The following LRRIQ1 variants were observed in gnomAD, a reference collection of about 807,000 sequenced individuals.
LRRIQ1 encodes leucine rich repeats and IQ motif containing 1, also known as leucine-rich repeat- and IQ domain-containing protein 1.
In LRRIQ1, 210 loss-of-function variants were observed where a neutral mutation model predicts 211.9. The observed-to-expected ratio is 0.99, with a 90% CI of 0.89 to 1.11. The LOEUF is 1.11. Among genes scored for constraint, LRRIQ1 ranks in the 50% most tolerant of loss-of-function variants. LRRIQ1 has a pLI of 0.00. For synonymous variants in LRRIQ1, 699 were observed against 650.1 expected (o/e 1.08, Z -1.14); for missense variants, 2,136 against 1,939.5 (o/e 1.10, Z -1.90).
chr12:85,157,678 T>A lies in LRRIQ1; in HGVS notation c.4721-2935T>A, dbSNP rs1199849352. The stretch of plus-strand genomic sequence containing the variant: ...AATAATCTCACAACACTGAGTGTAA[T>A]TGGTAGCAAGACTGAGATGAGGTGG... On this transcript the variant is annotated intron_variant, in intron 23 of 26. Transcript: ENST00000393217. Among the ~76,000 whole-genome samples the A allele has an allele frequency of 3.3e-5, 5 of 151,838 alleles. No homozygotes were observed. In the East Asian group the frequency reaches 9.7e-4, roughly 30 times the overall value.
chr12:85,265,906 G>A (rs904324332), downstream of LRRIQ1, among the ~76,000 whole-genome samples: 3 of 151,030 alleles, frequency 2.0e-5, no homozygotes, highest in Admixed American at 1.3e-4. Context: ...GAAAATAATT[G>A]GTAAGATATT....
At chr12:85,045,882 AG>A (rs1879488436) in intron 4 of LRRIQ1, 137 bp from the exon 5 acceptor site, 1 of 447,116 alleles carries the variant, frequency 2.2e-6, no homozygotes, top group East Asian at 3.2e-5. Context: ...AATGTGCTGC[AG>A]ATTTGTATTT....
chr12:85,138,755 T>C (rs1189795070), intron 19 of LRRIQ1, among the ~76,000 whole-genome samples: 1 of 151,612 alleles, frequency 6.6e-6, no homozygotes, highest in Non-Finnish European at 1.5e-5. Context: ...AAATCTTTTA[T>C]GCTAGAAAAA....
chr12:85,066,798 T>C lies in LRRIQ1; in HGVS notation c.2595T>C (p.Val865=). The C allele has an allele frequency of 6.2e-7, 1 of 1,601,168 alleles. No homozygotes were observed. The highest frequency in any genetic ancestry group is 8.5e-7 in the Non-Finnish European group (1 of 1,173,624). Residue 865 remains valine (V), a synonymous_variant, in exon 10 of 27, where the codon GTT becomes GTC. Transcript: ENST00000393217. ...IECENLENLC[V]VLLNKNQLTS... ...GTGAAAATTTGGAAAATCTCTGTGT[T>C]GTTCTTCTTAATAAAAATCAACTGA... is the stretch of plus-strand genomic sequence containing the variant.
Position 85,065,388 on chromosome 12 carries a change from A to G in LRRIQ1, c.2518A>G (p.Lys840Glu), listed in dbSNP as rs771219077. 1.9e-6 allele frequency: 3 copies of G among 1,609,576 alleles called. No individual in the cohort carries two copies. Among genetic ancestry groups the G allele is most frequent in the African/African-American group, 1.3e-5 (1 of 74,716 alleles). Residue 840 changes from lysine to glutamate, a missense_variant, in exon 9 of 27, where the codon AAA becomes GAA. Physicochemically the swap from Lys to Glu is moderately conservative, Grantham distance 56. Transcript: ENST00000393217. ...LTSLHSLSNC[K>E]KLKYIDAQEN... ...TTCTTTGCACAGCCTGAGTAATTGT[A>G]AAAAACTTAAGTACATTGATGCACA...
At chr12:85,090,802 G>A (rs1177874108) in intron 11 of LRRIQ1, among the ~76,000 whole-genome samples, 1 of 152,086 alleles carries the variant, frequency 6.6e-6, no homozygotes, top group Non-Finnish European at 1.5e-5. Flanking sequence ...AAGACTTTAG[G>A]GGACTGTTGG....
At chr12:85,143,929 T>A (rs1214259377) in intron 19 of LRRIQ1, among the ~76,000 whole-genome samples, 1 of 151,554 alleles carries the variant, frequency 6.6e-6, no homozygotes, top group Non-Finnish European at 1.5e-5. Flanking sequence ...ATTTTTAAAT[T>A]TTAGTTTCAG....
chr12:85,197,945 ATATATAAT>A (rs1210440041), intron 24 of LRRIQ1, among the ~76,000 whole-genome samples: 1 of 107,380 alleles, frequency 9.3e-6, no homozygotes, highest in Non-Finnish European at 1.8e-5. Flanking sequence ...ATATATATTT[ATATATAAT>A]TATATATTAT....
chr12:85,196,246 A>C (rs889552447), intron 24 of LRRIQ1, among the ~76,000 whole-genome samples: 3 of 151,994 alleles, frequency 2.0e-5, no homozygotes, highest in African/African-American at 7.2e-5. Flanking sequence ...AAATGGCCAT[A>C]CTGCCCAAGG....
intron 13 of LRRIQ1, among the ~76,000 whole-genome samples, chr12:85,103,784 A>G (rs1211913200): frequency 1.3e-5 from 2 of 151,652 alleles, no homozygotes; most frequent in African/African-American, 4.8e-5. Flanking sequence ...GAAGTCTTCC[A>G]TCATAAATAC....
chr12:85,243,779 G>A (rs2137270362), intron 26 of LRRIQ1, among the ~76,000 whole-genome samples: 3 of 151,670 alleles, frequency 2.0e-5, no homozygotes, highest in South Asian at 2.1e-4. Flanking sequence ...GGAAGAAGGT[G>A]GGAGGGGGAT....
chr12:85,048,558 C>CA (rs35906760), intron 6 of LRRIQ1: 994 of 77,600 alleles, frequency 0.013, 8 homozygotes, highest in African/African-American at 0.02. Flanking sequence ...GACTCCGTCT[C>CA]AAAAAAAAAA....
At position 85,166,430 on chromosome 12, in the gene LRRIQ1, T is replaced by G. The variant is rs985206715; in HGVS notation, c.4822+5716T>G. ...GATAACTCATGGTTTTATAAACATA[T>G]ATTCAAATATTTTTGTATTAAATGT... On this transcript the variant is annotated intron_variant, in intron 24 of 26. Transcript: ENST00000393217. 3.3e-5 allele frequency among the ~76,000 whole-genome samples: 5 copies of G among 152,258 alleles called. No homozygotes were observed. In the East Asian group the frequency reaches 9.6e-4, roughly 29 times the overall value.
At chr12:85,110,505 T>C (rs1887097846) in intron 15 of LRRIQ1, among the ~76,000 whole-genome samples, 1 of 152,092 alleles carries the variant, frequency 6.6e-6, no homozygotes, top group Non-Finnish European at 1.5e-5. Context: ...AGCCAGGAAA[T>C]CTAACTCATG....
chr12:85,250,242 G>T (rs1895866004), intron 1 of LRRIQ1, among the ~76,000 whole-genome samples: 1 of 151,824 alleles, frequency 6.6e-6, no homozygotes, highest in Admixed American at 6.6e-5. Flanking sequence ...CAGGGTAGAA[G>T]ATTGCCTATT....
intron 19 of LRRIQ1, among the ~76,000 whole-genome samples, chr12:85,141,429 CTG>C (rs1889524359): frequency 6.6e-6 from 1 of 151,174 alleles, no homozygotes; most frequent in Admixed American, 6.6e-5. Flanking sequence ...TACTTCGGGG[CTG>C]TGTTTTTGGG....
intron 24 of LRRIQ1, among the ~76,000 whole-genome samples, chr12:85,227,259 T>C (rs1188521723): frequency 6.6e-6 from 1 of 152,216 alleles, no homozygotes; most frequent in Non-Finnish European, 1.5e-5. Flanking sequence ...GGTATCTCAT[T>C]GTGGTTTTGA....
In LRRIQ1 at chr12:85,089,330, A is replaced by G. The variant is rs531845984; in HGVS notation, c.2888-9025A>G. ...AGGGGCATTGCTATAAAGATACCTA[A>G]AAATTTTGAAACAGCTTTGGAACTG... On this transcript the variant is annotated intron_variant, in intron 11 of 26. Coordinates refer to ENST00000393217, the MANE Select transcript of LRRIQ1 (RefSeq NM_001079910.2). 2.3e-4 allele frequency among the ~76,000 whole-genome samples: 35 copies of G among 152,306 alleles called. No individual in the cohort carries two copies. The South Asian group carries it at 6.8e-3, about 30-fold the overall frequency.
At chr12:85,078,024 A>G (rs1883857752) in intron 11 of LRRIQ1, among the ~76,000 whole-genome samples, 1 of 151,990 alleles carries the variant, frequency 6.6e-6, no homozygotes, top group South Asian at 2.1e-4. Context: ...AAAGGGTAGC[A>G]ACTTACTCTA....
Sources: gnomAD v4.1 joint callset for allele counts (sites outside exome capture counted in the v4.1 genomes callset) on GRCh38, gnomAD v4.1.1 for gene constraint, MANE v1.5 for transcripts, NCBI Gene and HGNC (gene_info 2026-07-23, HGNC 2026-07-21) for gene names.